The following FSHR variants were observed in gnomAD, a reference collection of about 807,000 sequenced individuals.
The protein encoded by FSHR is follicle stimulating hormone receptor.
FSHR carries 46 observed loss-of-function variants against 52.1 expected under a neutral mutation model. The observed-to-expected ratio is 0.88, with a 90% CI of 0.70 to 1.13. The LOEUF is 1.13. FSHR is among the 50% of genes most tolerant of loss of function. The pLI is 0.00. For missense variants in FSHR, 964 were observed against 834.6 expected (o/e 1.16, Z -1.91); for synonymous variants, 399 against 309.6 (o/e 1.29, Z -3.03).
rs186980538 is a variant in FSHR at position 49,108,241 on chromosome 2, T to G, written c.153-39951A>C. ...TCCCCTGCTTCTCAGGTCTTCAGAT[T>G]CAAACTGGAACTGCACTACTGGCTT... On this transcript the variant is annotated intron_variant, in intron 1 of 9. Coordinates refer to ENST00000406846, the MANE Select transcript of FSHR (RefSeq NM_000145.4). 3.9e-3 allele frequency among the ~76,000 whole-genome samples: 592 copies of G among 152,274 alleles called. 6 individuals are homozygous for G. Among genetic ancestry groups the G allele is most frequent in the African/African-American group, 0.013 (549 of 41,562 alleles).
chr2:49,109,170 A>C (rs573097355), intron 1 of FSHR, among the ~76,000 whole-genome samples: 1 of 152,154 alleles, frequency 6.6e-6, no homozygotes, highest in Non-Finnish European at 1.5e-5. Flanking sequence ...GAAATTCCCT[A>C]TCCAGAAAGA....
chr2:49,027,377 T>A (rs1667943290), intron 2 of FSHR, among the ~76,000 whole-genome samples: 1 of 152,166 alleles, frequency 6.6e-6, no homozygotes, highest in African/African-American at 2.4e-5. Flanking sequence ...TTTAAGTTTA[T>A]GTATATAATA....
chr2:49,052,790 G>A (rs925965187), intron 2 of FSHR, among the ~76,000 whole-genome samples: 1 of 152,170 alleles, frequency 6.6e-6, no homozygotes, highest in African/African-American at 2.4e-5. Flanking sequence ...ACAGAAGGTT[G>A]GGTTAGGAAG....
chr2:49,106,505 G>A (rs1331013024), intron 1 of FSHR, among the ~76,000 whole-genome samples: 1 of 152,122 alleles, frequency 6.6e-6, no homozygotes, highest in East Asian at 1.9e-4. Context: ...GCCATTCAGG[G>A]ATTTTCTTCA....
intron 2 of FSHR, among the ~76,000 whole-genome samples, chr2:49,025,455 T>G (rs776879739): frequency 2.0e-5 from 3 of 152,338 alleles, no homozygotes; most frequent in Non-Finnish European, 4.4e-5. Context: ...AGATAGAGTA[T>G]GTGCATATAG....
intron 4 of FSHR, among the ~76,000 whole-genome samples, chr2:49,013,076 C>T (rs1167418981): frequency 6.6e-6 from 1 of 151,804 alleles, no homozygotes; most frequent in Non-Finnish European, 1.5e-5. Context: ...CTCTCTTTCT[C>T]CTTTCTCTCC....
intron 1 of FSHR, among the ~76,000 whole-genome samples, chr2:49,146,175 T>C (rs1333162369): frequency 3.9e-5 from 6 of 151,986 alleles, no homozygotes; most frequent in African/African-American, 1.4e-4. Flanking sequence ...CAAAGACCAA[T>C]TCAGAGGCTA....
At chr2:49,080,022 T>C (rs991366945) in intron 1 of FSHR, among the ~76,000 whole-genome samples, 5 of 151,940 alleles carry the variant, frequency 3.3e-5, no homozygotes, top group Admixed American at 6.6e-5. Flanking sequence ...AACAACCCAG[T>C]AGAAAAATTG....
At chr2:49,079,350 TG>T (rs538489468) in intron 1 of FSHR, among the ~76,000 whole-genome samples, 169 of 152,104 alleles carry the variant, frequency 1.1e-3, no homozygotes, top group African/African-American at 4.0e-3. Flanking sequence ...AAAGCACAGT[TG>T]TTTTTTTGTT....
intron 2 of FSHR, among the ~76,000 whole-genome samples, chr2:49,058,194 A>C (rs1302759135): frequency 1.3e-5 from 2 of 152,208 alleles, no homozygotes; most frequent in African/African-American, 4.8e-5. Flanking sequence ...GAAGAAATGA[A>C]GGGCATCCAA....
At chr2:49,027,395 C>G (rs1667944035) in intron 2 of FSHR, among the ~76,000 whole-genome samples, 1 of 152,088 alleles carries the variant, frequency 6.6e-6, no homozygotes, top group Non-Finnish European at 1.5e-5. Flanking sequence ...ATATGCAAGA[C>G]TAAGAATGAA....
chr2:49,011,708 C>G (rs1667281077), intron 4 of FSHR, among the ~76,000 whole-genome samples: 1 of 152,060 alleles, frequency 6.6e-6, no homozygotes, highest in Non-Finnish European at 1.5e-5. Flanking sequence ...ATTATACAAG[C>G]TTATGCAGCA....
chr2:49,109,803 C>T (rs146545050), intron 1 of FSHR, among the ~76,000 whole-genome samples: 40 of 152,142 alleles, frequency 2.6e-4, no homozygotes, highest in Middle Eastern at 6.8e-3. Flanking sequence ...AAATTAGGAA[C>T]GTGAAAATAA....
intron 4 of FSHR, chr2:49,014,640 T>C (rs2104201161): frequency 7.4e-6 from 2 of 270,372 alleles, no homozygotes; most frequent in South Asian, 7.1e-5. Flanking sequence ...AATGATGAGG[T>C]CAAATTCTGA....
Position 49,047,342 on chromosome 2 carries a change from C to T in FSHR, c.224+20877G>A, listed in dbSNP as rs74263483. On this transcript the variant is annotated intron_variant, in intron 2 of 9. Transcript: ENST00000406846. ...TTAAACAAATATGTGATGACTGACACCTCAATTTTCAACATTCAGTAAAGA... is the reference window on the plus strand; with the variant it reads ...TTAAACAAATATGTGATGACTGACATCTCAATTTTCAACATTCAGTAAAGA... Among the ~76,000 whole-genome samples, 193 of 152,260 alleles carry T rather than the reference C, an allele frequency of 1.3e-3. 7 individuals carry two copies. The East Asian group carries it at 0.032, about 25-fold the overall frequency.
rs1307013144 is a variant in FSHR at position 49,000,738 on chromosome 2, G to A, written c.375-10101C>T. Among the ~76,000 whole-genome samples the A allele has an allele frequency of 3.3e-5, 5 of 152,090 alleles. No individual in the cohort carries two copies. The South Asian group carries it at 1.0e-3, about 31-fold the overall frequency. On this transcript the variant is annotated intron_variant, in intron 4 of 9. Transcript: ENST00000406846. ...GGGGGCTGCTTGCTGCTTCACTTAG[G>A]TTGAAAGAGGGACTTTAGAAAGACC...
intron 1 of FSHR, among the ~76,000 whole-genome samples, chr2:49,092,813 G>A (rs568734002): frequency 7.2e-5 from 11 of 152,032 alleles, no homozygotes; most frequent in East Asian, 1.9e-4. Flanking sequence ...TTACAGATGC[G>A]CACCACCATG....
At chr2:48,991,196 C>A (rs1675759288) in intron 4 of FSHR, among the ~76,000 whole-genome samples, 1 of 152,112 alleles carries the variant, frequency 6.6e-6, no homozygotes. Context: ...AAATTTCAGA[C>A]CTACCCAGGA....
intron 4 of FSHR, among the ~76,000 whole-genome samples, chr2:48,996,242 C>T (rs778866029): frequency 6.6e-6 from 1 of 152,040 alleles, no homozygotes; most frequent in Non-Finnish European, 1.5e-5. Flanking sequence ...TCCTCCTGAC[C>T]ATTCTGAGAG....
Sources: allele counts gnomAD v4.1 joint callset (sites outside exome capture counted in the v4.1 genomes callset), GRCh38; gene constraint gnomAD v4.1.1; transcripts MANE v1.5; gene names NCBI Gene and HGNC (gene_info 2026-07-23, HGNC 2026-07-21).